Variants in GALNT7 observed in about 807,000 individuals in gnomAD.
GALNT7 encodes polypeptide N-acetylgalactosaminyltransferase 7.
A neutral mutation model predicts 82.1 loss-of-function variants in GALNT7; 60 were observed. The ratio of observed to expected loss-of-function variants is 0.73; its 90% confidence interval spans 0.59 to 0.91. The LOEUF is 0.91. GALNT7 is among the 40% of genes least tolerant of loss of function. The pLI, the probability that GALNT7 is intolerant of heterozygous loss-of-function variation, is 0.00. For missense variants in GALNT7, 660 were observed against 804.2 expected (o/e 0.82, Z 2.17); for synonymous variants, 243 against 275.1 (o/e 0.88, Z 1.15).
chr4:173,183,208 T>C (rs1372477398), intron 1 of GALNT7, among the ~76,000 whole-genome samples: 1 of 151,506 alleles, frequency 6.6e-6, no homozygotes, highest in Non-Finnish European at 1.5e-5. Flanking sequence ...TTAGAGATAA[T>C]GGAACTTAAA....
At chr4:173,313,570 CAAAAA>C (rs957463269) in intron 8 of GALNT7, among the ~76,000 whole-genome samples, 2 of 62,380 alleles carry the variant, frequency 3.2e-5, no homozygotes. Flanking sequence ...GACCCCATCA[CAAAAA>C]AAAAAAAAAA....
At chr4:173,257,760 C>T (rs1203209029) in intron 2 of GALNT7, among the ~76,000 whole-genome samples, 1 of 152,200 alleles carries the variant, frequency 6.6e-6, no homozygotes, top group African/African-American at 2.4e-5. Context: ...TTCGTGCATT[C>T]TCCAGAGTAG....
chr4:173,279,051 A>G (rs1736014665), intron 2 of GALNT7, among the ~76,000 whole-genome samples: 1 of 152,190 alleles, frequency 6.6e-6, no homozygotes, highest in Non-Finnish European at 1.5e-5. Flanking sequence ...ATTGATTCTG[A>G]TAACTGGGTT....
chr4:173,243,510 G>C (rs1561170154), intron 1 of GALNT7, among the ~76,000 whole-genome samples: 1 of 152,164 alleles, frequency 6.6e-6, no homozygotes, highest in African/African-American at 2.4e-5. Context: ...GAGTCACAGA[G>C]GCATCTACTG....
chr4:173,171,001 G>A (rs927861023), intron 1 of GALNT7, among the ~76,000 whole-genome samples: 1 of 152,126 alleles, frequency 6.6e-6, no homozygotes. Context: ...TTTCTCAGTG[G>A]ATCCAGTGTA....
chr4:173,208,663 G>A (rs1189459815), intron 1 of GALNT7, among the ~76,000 whole-genome samples: 1 of 152,122 alleles, frequency 6.6e-6, no homozygotes, highest in East Asian at 1.9e-4. Flanking sequence ...GCTCTCATCT[G>A]CTTCCTGTCG....
intron 2 of GALNT7, among the ~76,000 whole-genome samples, chr4:173,250,014 G>A (rs1400094706): frequency 1.3e-5 from 2 of 152,174 alleles, no homozygotes; most frequent in African/African-American, 2.4e-5. Flanking sequence ...TTCTGCTGCA[G>A]GCTGGGACTT....
intron 1 of GALNT7, among the ~76,000 whole-genome samples, chr4:173,224,995 A>G (rs1201196515): frequency 6.7e-6 from 1 of 148,748 alleles, no homozygotes; most frequent in East Asian, 2.0e-4. Flanking sequence ...AGCCTGGACG[A>G]CAGAGCGAGA....
At chr4:173,275,248 G>A (rs1735858701) in intron 2 of GALNT7, among the ~76,000 whole-genome samples, 1 of 152,212 alleles carries the variant, frequency 6.6e-6, no homozygotes, top group Non-Finnish European at 1.5e-5. Context: ...AGTAGAGACT[G>A]CAAGCTGAAT....
Position 173,298,139 on chromosome 4 carries a change from A to T in GALNT7, c.990A>T (p.Ile330=), listed in dbSNP as rs17059278. ...KDRTICTVPL[I]DVINGNTYEI... ...GAACCATTTGCACTGTGCCGCTTATAGATGTCATAAATGGCAACACATATG... is the reference window on the plus strand; with the variant it reads ...GAACCATTTGCACTGTGCCGCTTATTGATGTCATAAATGGCAACACATATG... The change falls in exon 6 of 12, where the codon ATA becomes ATT. Residue 330 remains isoleucine (I), a synonymous_variant. Transcript: ENST00000265000. 0.013 allele frequency: 21,472 copies of T among 1,613,994 alleles called. 234 individuals are homozygous for T. The highest frequency in any genetic ancestry group is 0.053 in the African/African-American group (4,005 of 75,000).
At chr4:173,190,296 G>A (rs930687822) in intron 1 of GALNT7, among the ~76,000 whole-genome samples, 4 of 152,218 alleles carry the variant, frequency 2.6e-5, no homozygotes, top group Admixed American at 6.5e-5. Context: ...TCACCTGTAC[G>A]TGTCACTTTC....
intron 3 of GALNT7, among the ~76,000 whole-genome samples, chr4:173,293,247 G>A (rs1736603980): frequency 6.6e-6 from 1 of 151,760 alleles, no homozygotes; most frequent in South Asian, 2.1e-4. Flanking sequence ...ACACAATTTT[G>A]GACCTCAGAG....
intron 1 of GALNT7, among the ~76,000 whole-genome samples, chr4:173,204,460 T>C (rs939015653): frequency 2.0e-5 from 3 of 152,206 alleles, no homozygotes; most frequent in African/African-American, 4.8e-5. Flanking sequence ...AGTTCAAATA[T>C]TTGCTGTTTT....
intron 1 of GALNT7, among the ~76,000 whole-genome samples, chr4:173,226,001 C>T (rs895364922): frequency 3.3e-5 from 5 of 152,088 alleles, no homozygotes; most frequent in African/African-American, 1.2e-4. Flanking sequence ...ATTGACCCAT[C>T]GCTGTGTGCA....
chr4:173,177,739 G>T (rs367967744), intron 1 of GALNT7, among the ~76,000 whole-genome samples: 1 of 152,140 alleles, frequency 6.6e-6, no homozygotes, highest in African/African-American at 2.4e-5. Context: ...TTACCTGCCT[G>T]CTAACCTAAC....
At chr4:173,178,048 TGTGTGCGCGCACGC>T (rs1265922306) in intron 1 of GALNT7, among the ~76,000 whole-genome samples, 65 of 113,714 alleles carry the variant, frequency 5.7e-4, no homozygotes, top group African/African-American at 2.1e-3. Flanking sequence ...TGTGTGTGTG[TGTGTGCGCGCACGC>T]GCGTGCGCAC....
At chr4:173,177,529 G>A (rs561203690) in intron 1 of GALNT7, among the ~76,000 whole-genome samples, 7 of 152,244 alleles carry the variant, frequency 4.6e-5, no homozygotes, top group Non-Finnish European at 8.8e-5. Flanking sequence ...AAGAAACATG[G>A]AAAATGCCTT....
At position 173,178,009 on chromosome 4, in the gene GALNT7, G is replaced by C. The variant is rs1385767778; in HGVS notation, c.126+9048G>C. On this transcript the variant is annotated intron_variant, in intron 1 of 11. Transcript: ENST00000265000. ...TCCACCTCTCCCTATCCGCAAGTCT[G>C]TGTGTGTGTGTGTGTGTGTGTGTGT... Among the ~76,000 whole-genome samples the C allele has an allele frequency of 2.6e-3, 91 of 34,424 alleles. 1 individual carries two copies. The highest frequency in any genetic ancestry group is 8.2e-3 in the African/African-American group (83 of 10,126). 22.6% of individuals were successfully genotyped at this position (34,424 alleles called of 152,430 possible).
intron 1 of GALNT7, among the ~76,000 whole-genome samples, chr4:173,189,994 G>GTT (rs60870608): frequency 1.4e-5 from 2 of 146,362 alleles, no homozygotes; most frequent in African/African-American, 2.5e-5. Flanking sequence ...CAAAATGTTA[G>GTT]TTTTTTTTTT....
Sources: allele counts gnomAD v4.1 joint callset (sites outside exome capture counted in the v4.1 genomes callset), GRCh38; gene constraint gnomAD v4.1.1; transcripts MANE v1.5; gene names NCBI Gene and HGNC (gene_info 2026-07-23, HGNC 2026-07-21).